CCT8: variants seen among roughly 807,000 people sequenced by gnomAD.
CCT8 encodes the protein T-complex protein 1 subunit theta.
CCT8 carries 10 observed loss-of-function variants against 65.7 expected under a neutral mutation model. The observed-to-expected ratio is 0.15, with a 90% CI of 0.09 to 0.26. The LOEUF is 0.26. Ranked by LOEUF, CCT8 falls within the 10% of genes least tolerant of loss-of-function variation. The pLI is 1.00. For missense variants in CCT8, 568 were observed against 669.1 expected, an observed-to-expected ratio of 0.85 and a Z score of 1.67; for synonymous variants, 199 against 221.8, an observed-to-expected ratio of 0.90 and a Z score of 0.92.
intron 1 of CCT8, chr21:29,073,230 G>A: frequency 7.9e-7 from 1 of 1,273,280 alleles, no homozygotes; most frequent in Non-Finnish European, 1.0e-6. Flanking sequence ...ACGGGCCTTA[G>A]CCCCATTTAC....
rs995805146 is a variant in CCT8, at chr21:29,059,616, A to G, written c.1569+925T>C. 83 of 152,346 alleles carry G rather than the reference A, an allele frequency of 5.4e-4. 1 individual carries two copies. The highest frequency in any genetic ancestry group is 1.9e-3 in the African/African-American group (78 of 41,580). The allele number at this position is 152,346 out of a possible 1,614,324, so 9.4% of individuals were successfully genotyped here. ...AAGTATTTTCTTAGGTTTCTATTTAAGAACTCAAACATATTCTTCCATTGA... is the reference window on the plus strand; with the variant it reads ...AAGTATTTTCTTAGGTTTCTATTTAGGAACTCAAACATATTCTTCCATTGA... On this transcript the variant is annotated intron_variant, in intron 14 of 14. Transcript: ENST00000286788.
Position 29,062,259 on chromosome 21 carries a change from A to C in CCT8, c.1097-16T>G. 1 of 1,608,074 alleles carries C rather than the reference A, an allele frequency of 6.2e-7. No individual in the cohort carries two copies. The highest frequency in any genetic ancestry group is 8.5e-7 in the Non-Finnish European group (1 of 1,174,770). ...TCTTCCTTTTCTATCAAAAAATTAA[A>C]TATATTTGGTGATTAAATACAAGAA... On this transcript the variant is annotated splice_polypyrimidine_tract_variant and intron_variant, in intron 10 of 14. Coordinates refer to ENST00000286788, the MANE Select transcript of CCT8 (RefSeq NM_006585.4).
intron 12 of CCT8, 39 bp from the exon 13 acceptor site, chr21:29,061,456 G>A (rs1568910167): frequency 1.2e-6 from 2 of 1,613,050 alleles, no homozygotes; most frequent in Non-Finnish European, 1.7e-6. Flanking sequence ...TTTTATTCAA[G>A]CAATGGAAAG....
In CCT8 at chr21:29,061,521, G is replaced by A; in HGVS notation, c.1259C>T (p.Ala420Val). The A allele has an allele frequency of 6.2e-7, 1 of 1,613,786 alleles. No individual in the cohort carries two copies. The change falls in exon 12 of 15, where the codon GCC (alanine) becomes GTC (valine). Residue 420 changes from alanine (A) to valine (V), a missense_variant. Coordinates refer to ENST00000286788, the MANE Select transcript of CCT8 (RefSeq NM_006585.4). ...CTCTCCATATGATGTGATCTGTTTG[G>A]CTAATTCAATTTCTGTTGCTCCACC... ...PGGGATEIELAKQITSYGETC... is the reference protein window; with the variant it reads ...PGGGATEIELVKQITSYGETC...
intron 4 of CCT8, among the ~76,000 whole-genome samples, chr21:29,067,335 GA>G (rs201057413): frequency 4.2e-4 from 63 of 151,786 alleles, no homozygotes; most frequent in African/African-American, 1.1e-3. Flanking sequence ...AATAAAGTGG[GA>G]AAAAAAATAG....
At chr21:29,060,785 TAG>T (rs1314111409) in intron 13 of CCT8, 125 bp from the exon 14 acceptor site, 17 of 995,326 alleles carry the variant, frequency 1.7e-5, no homozygotes, top group Non-Finnish European at 2.5e-5. Flanking sequence ...TCCTACCTTA[TAG>T]AGTCATCCTT....
intron 7 of CCT8, among the ~76,000 whole-genome samples, chr21:29,064,538 G>T (rs149811657): frequency 0.012 from 1,811 of 151,144 alleles, 53 homozygotes; most frequent in African/African-American, 0.042. Flanking sequence ...GAATTCTAGA[G>T]ATGAAGTCAG....
At chr21:29,061,063 A>G (rs925613105) in intron 13 of CCT8, among the ~76,000 whole-genome samples, 190 bp downstream of exon 13, 1 of 152,232 alleles carries the variant, frequency 6.6e-6, no homozygotes, top group African/African-American at 2.4e-5. Context: ...ACTACAGAAC[A>G]AAAGACTATC....
chr21:29,065,539 G>A (rs908144677), intron 6 of CCT8, among the ~76,000 whole-genome samples: 2 of 152,118 alleles, frequency 1.3e-5, no homozygotes, highest in Non-Finnish European at 2.9e-5. Context: ...GTATCTTCAG[G>A]GAAAGCACAT....
chr21:29,056,338 AAT>A lies in CCT8; in HGVS notation c.*135_*136del, dbSNP rs2146414568. 4.2e-6 allele frequency: 2 copies of A among 472,204 alleles called. No individual in the cohort carries two copies. The highest frequency in any genetic ancestry group is 4.1e-5 in the Admixed American group (1 of 24,580). 29.3% of individuals were successfully genotyped at this position (472,204 alleles called of 1,614,324 possible). ...TAGACAATAAGGCTTTGACAGTAAC[AAT>A]ATGTTTATTATAACATCCAGCCAAG... On this transcript the variant is annotated 3_prime_UTR_variant, in exon 15 of 15. Coordinates refer to ENST00000286788, the MANE Select transcript of CCT8 (RefSeq NM_006585.4).
rs2085638385 is a variant in CCT8 at position 29,067,624 on chromosome 21, G to A, written c.313C>T (p.Leu105=). Residue 105 remains leucine, a synonymous_variant, in exon 4 of 15, where the codon CTG becomes TTG. Transcript: ENST00000286788. The stretch of plus-strand genomic sequence containing the variant: ...TCCAGGAGAGCTCCAGCAAATACCA[G>A]AACAAAGTTTGTGCCATCTCCAACT... ...QEVGDGTNFV[L]VFAGALLELA... is the part of the protein sequence containing the mutation. 1 of 1,424,742 alleles carries A rather than the reference G, an allele frequency of 7.0e-7. No individual in the cohort carries two copies. The highest frequency in any genetic ancestry group is 9.2e-7 in the Non-Finnish European group (1 of 1,089,650). The allele number at this position is 1,424,742 out of a possible 1,614,324, so 88.3% of individuals were successfully genotyped here.
At chr21:29,067,457 A>C (rs76441990) in intron 4 of CCT8, 99 bp downstream of exon 4, 16,811 of 901,966 alleles carry the variant, frequency 0.019, 212 homozygotes, top group Non-Finnish European at 0.024. Context: ...TGCTCAGTGC[A>C]TGTTAGCTAC....
intron 5 of CCT8, 44 bp from the exon 6 acceptor site, chr21:29,066,821 CAGAG>C: frequency 6.3e-7 from 1 of 1,578,734 alleles, no homozygotes; most frequent in Non-Finnish European, 8.6e-7. Flanking sequence ...TTTGGGACAA[CAGAG>C]AAAGTATCTA....
chr21:29,063,669 G>A (rs1336275308), intron 7 of CCT8, 139 bp from the exon 8 acceptor site: 4 of 746,580 alleles, frequency 5.4e-6, no homozygotes, highest in Middle Eastern at 5.9e-4. Context: ...TGAAGCAGCA[G>A]AATACTGTAT....
Position 29,062,483 on chromosome 21 carries a change from TA to T in CCT8, c.1008+6del. The T allele has an allele frequency of 6.2e-7, 1 of 1,613,712 alleles. No homozygotes were observed. Among genetic ancestry groups the T allele is most frequent in the Non-Finnish European group, 8.5e-7 (1 of 1,179,650 alleles). On this transcript the variant is annotated splice_donor_region_variant and intron_variant, in intron 9 of 14. Coordinates refer to ENST00000286788, the MANE Select transcript of CCT8 (RefSeq NM_006585.4). Reference sequence around the variant, plus strand: ...AACTATCTTTTAGTGTTTTCCAAAATACATACCAATCTAGGAAGAGCTGTAG... The same window carrying T: ...AACTATCTTTTAGTGTTTTCCAAAATCATACCAATCTAGGAAGAGCTGTAG...
chr21:29,072,091 T>A (rs998917401), intron 1 of CCT8: 3 of 633,342 alleles, frequency 4.7e-6, no homozygotes, highest in Admixed American at 5.3e-5. Flanking sequence ...TCCCCCTAAG[T>A]AAGAGGTCGG....
At chr21:29,065,782 CAAA>C (rs1369906111) in intron 6 of CCT8, among the ~76,000 whole-genome samples, 1 of 152,100 alleles carries the variant, frequency 6.6e-6, no homozygotes. Flanking sequence ...ATGAAGAACA[CAAA>C]AAAATTAGTA....
chr21:29,068,642 T>C (rs1262527236), intron 3 of CCT8, among the ~76,000 whole-genome samples: 1 of 152,092 alleles, frequency 6.6e-6, no homozygotes, highest in East Asian at 1.9e-4. Flanking sequence ...TTTCTGTATT[T>C]TTAGTAGAGA....
chr21:29,061,478 A>G lies in CCT8; in HGVS notation c.1284+18T>C. 6.2e-7 allele frequency: 1 copy of G among 1,613,824 alleles called. No individual in the cohort carries two copies. Among genetic ancestry groups the G allele is most frequent in the Non-Finnish European group, 8.5e-7 (1 of 1,179,736 alleles). On this transcript the variant is annotated intron_variant, in intron 12 of 14. Transcript: ENST00000286788. Reference sequence around the variant, plus strand: ...CAAGCAATGGAAAGAAAGTCAATTTATACAGAAAAAGCTGTACCTCTCCAT... The same window carrying G: ...CAAGCAATGGAAAGAAAGTCAATTTGTACAGAAAAAGCTGTACCTCTCCAT...
Sources: gnomAD v4.1 joint callset for allele counts (sites outside exome capture counted in the v4.1 genomes callset) on GRCh38, gnomAD v4.1.1 for gene constraint, MANE v1.5 for transcripts, NCBI Gene and HGNC (gene_info 2026-07-23, HGNC 2026-07-21) for gene names.